Variants in CBL observed in about 807,000 individuals in gnomAD.
CBL encodes the protein Cbl proto-oncogene, also known as E3 ubiquitin-protein ligase CBL.
In CBL, 45 loss-of-function variants were observed where a neutral mutation model predicts 96.9. The observed-to-expected ratio is 0.46, with a 90% confidence interval of 0.37 to 0.60. The LOEUF is 0.60. Among genes scored for constraint, CBL ranks in the 20% least tolerant of loss-of-function variants. CBL has a pLI of 0.00. For missense variants in CBL, 1,024 were observed against 1,143.5 expected (o/e 0.90, Z 1.51); for synonymous variants, 420 against 426.8 (o/e 0.98, Z 0.20).
intron 1 of CBL, among the ~76,000 whole-genome samples, chr11:119,230,579 C>T (rs1008746718): frequency 5.9e-5 from 9 of 152,146 alleles, no homozygotes; most frequent in Non-Finnish European, 1.3e-4. Context: ...GTTATCAAGA[C>T]AGTGAGAAAT....
At chr11:119,277,933 G>A in intron 7 of CBL, 89 bp downstream of exon 7, 1 of 1,010,434 alleles carries the variant, frequency 9.9e-7, no homozygotes, top group Non-Finnish European at 1.6e-6. Flanking sequence ...GAATTCATTG[G>A]AACCCATTGA....
At chr11:119,267,541 A>G (rs1949812565) in intron 2 of CBL, among the ~76,000 whole-genome samples, 1 of 152,202 alleles carries the variant, frequency 6.6e-6, no homozygotes, top group African/African-American at 2.4e-5. Flanking sequence ...CAGCTTAAAA[A>G]GCAACACTCG....
chr11:119,282,523 G>A (rs1172533923), intron 9 of CBL, among the ~76,000 whole-genome samples: 1 of 152,202 alleles, frequency 6.6e-6, no homozygotes, highest in Non-Finnish European at 1.5e-5. Flanking sequence ...TCATTAGAAT[G>A]TGCAGGAAAC....
rs112214824 is a variant in CBL, at chr11:119,277,239, G to GCACACACACACACACACACACACACA, written c.1008-517_1008-516insACACACACACACACACACACACACAC. On this transcript the variant is annotated intron_variant, in intron 6 of 15. Transcript: ENST00000264033. ...CTCAAAAAAAAAATAAGAATCTGTC[G>GCACACACACACACACACACACACACA]CGCACACACACACACACACACACAC... 1.7e-4 allele frequency among the ~76,000 whole-genome samples: 23 copies of GCACACACACACACACACACACACACA among 138,250 alleles called. 1 individual carries two copies. The highest frequency in any genetic ancestry group is 5.0e-4 in the African/African-American group (17 of 33,672). 90.7% of individuals were successfully genotyped at this position (138,250 alleles called of 152,430 possible).
chr11:119,281,927 T>C (rs1259558950), intron 9 of CBL, among the ~76,000 whole-genome samples: 1 of 152,260 alleles, frequency 6.6e-6, no homozygotes, highest in Non-Finnish European at 1.5e-5. Flanking sequence ...TCTATTTGGA[T>C]ATTTATGTCC....
intron 1 of CBL, among the ~76,000 whole-genome samples, chr11:119,217,511 A>G (rs1266721387): frequency 1.3e-5 from 2 of 152,162 alleles, no homozygotes; most frequent in African/African-American, 4.8e-5. Flanking sequence ...ATGAATTCAG[A>G]TCAATTCAGG....
chr11:119,259,340 T>A (rs1949734529), intron 2 of CBL, among the ~76,000 whole-genome samples: 1 of 152,174 alleles, frequency 6.6e-6, no homozygotes. Flanking sequence ...TTTCTTGTAT[T>A]CTGCTTAAGA....
intron 14 of CBL, 120 bp downstream of exon 14, chr11:119,297,601 G>A (rs190020214): frequency 1.4e-4 from 105 of 760,128 alleles, no homozygotes; most frequent in Non-Finnish European, 2.1e-4. Context: ...GGGACTACAG[G>A]TACGTGCCAC....
At chr11:119,214,893 A>ATTTTT (rs774184469) in intron 1 of CBL, among the ~76,000 whole-genome samples, 2 of 117,962 alleles carry the variant, frequency 1.7e-5, no homozygotes, top group African/African-American at 3.4e-5. Context: ...CTGGTAGGGA[A>ATTTTT]TTTTTTTTTT....
chr11:119,288,664 A>G (rs909083016), intron 12 of CBL, among the ~76,000 whole-genome samples: 1 of 152,234 alleles, frequency 6.6e-6, no homozygotes, highest in Non-Finnish European at 1.5e-5. Context: ...ACCCCAGCAT[A>G]TACCAGAACG....
rs1284275315 is a variant in CBL at position 119,305,924 on chromosome 11, G to T, written c.*6143G>T. 3.8e-6 allele frequency: 1 copy of T among 263,326 alleles called. No homozygotes were observed. Among genetic ancestry groups the T allele is most frequent in the Non-Finnish European group, 7.2e-6 (1 of 139,024 alleles). 16.3% of individuals were successfully genotyped at this position (263,326 alleles called of 1,614,324 possible). ...CACAGAAGTTACCTAATAATCCAAA[G>T]ATGTCCATCAAGGGAGGAAGGGTGG... is the stretch of plus-strand genomic sequence containing the variant. On this transcript the variant is annotated 3_prime_UTR_variant, in exon 16 of 16. Transcript: ENST00000264033.
At position 119,279,685 on chromosome 11, in the gene CBL, G is replaced by A. The variant is rs148455588; in HGVS notation, c.1431+972G>A. 8.0e-3 allele frequency among the ~76,000 whole-genome samples: 1,213 copies of A among 152,286 alleles called. 19 individuals carry two copies. Among genetic ancestry groups the A allele is most frequent in the African/African-American group, 0.028 (1,143 of 41,558 alleles). On this transcript the variant is annotated intron_variant, in intron 9 of 15. Transcript: ENST00000264033. Reference sequence around the variant, plus strand: ...ATAGTAATTGTATACAATGTGTAGTGTGACTTATTTCTGTAAAAAAATTTT... The same window carrying A: ...ATAGTAATTGTATACAATGTGTAGTATGACTTATTTCTGTAAAAAAATTTT...
intron 2 of CBL, among the ~76,000 whole-genome samples, chr11:119,253,859 CAAAAAT>C (rs909524762): frequency 2.2e-5 from 3 of 135,614 alleles, no homozygotes; most frequent in Non-Finnish European, 4.8e-5. Flanking sequence ...AAAACAAAAA[CAAAAAT>C]ATCATCAGCC....
At chr11:119,226,125 G>T (rs1592374575) in intron 1 of CBL, among the ~76,000 whole-genome samples, 1 of 152,290 alleles carries the variant, frequency 6.6e-6, no homozygotes, top group East Asian at 1.9e-4. Context: ...CCCAATTCTT[G>T]TGTTACCTGC....
intron 2 of CBL, among the ~76,000 whole-genome samples, chr11:119,270,072 C>T (rs1949831833): frequency 6.6e-6 from 1 of 151,930 alleles, no homozygotes; most frequent in South Asian, 2.1e-4. Context: ...ATTATTGGGT[C>T]AAAGGAAAAT....
chr11:119,280,287 A>AT (rs1471044434), intron 9 of CBL, among the ~76,000 whole-genome samples: 3 of 152,222 alleles, frequency 2.0e-5, no homozygotes, highest in Non-Finnish European at 4.4e-5. Flanking sequence ...AGAGGGGCTT[A>AT]TGGGAATATC....
rs915209264 is a variant in CBL, at chr11:119,257,214, A to G, written c.444-14521A>G. On this transcript the variant is annotated intron_variant, in intron 2 of 15. Transcript: ENST00000264033. ...GCAGTGTATAAGCATTCCCTATTCA[A>G]ATGAACAAATAACTAAATGAAGCAT... 5.9e-5 allele frequency among the ~76,000 whole-genome samples: 9 copies of G among 152,316 alleles called. No individual in the cohort carries two copies. In the South Asian group the frequency reaches 6.2e-4, roughly 11 times the overall value.
chr11:119,218,134 T>C (rs1235528501), intron 1 of CBL, among the ~76,000 whole-genome samples: 1 of 152,154 alleles, frequency 6.6e-6, no homozygotes, highest in African/African-American at 2.4e-5. Context: ...GTGAAAATTA[T>C]GTTGACACTT....
intron 2 of CBL, among the ~76,000 whole-genome samples, chr11:119,243,769 C>A (rs1949605183): frequency 6.6e-6 from 1 of 151,612 alleles, no homozygotes; most frequent in African/African-American, 2.4e-5. Context: ...TCTCTTGTCA[C>A]CCAGGCAGGA....
Sources: gnomAD v4.1 joint callset for allele counts (sites outside exome capture counted in the v4.1 genomes callset) on GRCh38, gnomAD v4.1.1 for gene constraint, MANE v1.5 for transcripts, NCBI Gene and HGNC (gene_info 2026-07-23, HGNC 2026-07-21) for gene names.